DAB1: variants seen among roughly 807,000 people sequenced by gnomAD.
The protein encoded by DAB1 is DAB adaptor protein 1.
DAB1 carries 15 observed loss-of-function variants against 64.6 expected under a neutral mutation model. The ratio of observed to expected loss-of-function variants is 0.23; its 90% CI spans 0.16 to 0.36. The LOEUF (loss-of-function observed/expected upper bound fraction) is 0.36. DAB1 is among the 10% of genes least tolerant of loss of function. The pLI is 1.00. For synonymous variants in DAB1, 235 were observed against 251.9 expected, an observed-to-expected ratio of 0.93 and a Z score of 0.64; for missense variants, 596 against 706.7, an observed-to-expected ratio of 0.84 and a Z score of 1.78.
intron 1 of DAB1, 103 bp downstream of exon 1, chr1:57,423,827 C>T (rs902386068): frequency 1.3e-5 from 2 of 152,206 alleles, no homozygotes; most frequent in East Asian, 1.9e-4. Context: ...TCCTCCGCGC[C>T]CCGGGGCTCC....
upstream of DAB1, among the ~76,000 whole-genome samples, chr1:57,888,359 T>C (rs1185957783): frequency 6.6e-6 from 1 of 152,172 alleles, no homozygotes; most frequent in Non-Finnish European, 1.5e-5. Flanking sequence ...ATCAGATGGA[T>C]ATACAGAATC....
chr1:58,023,233 C>A (rs999517911), intron 5 of DAB1, among the ~76,000 whole-genome samples: 10 of 152,078 alleles, frequency 6.6e-5, no homozygotes. Context: ...AATAACAGCT[C>A]TAGTAAGGCC....
chr1:57,278,864 C>T (rs1671675871), intron 2 of DAB1, among the ~76,000 whole-genome samples: 1 of 152,194 alleles, frequency 6.6e-6, no homozygotes, highest in Non-Finnish European at 1.5e-5. Flanking sequence ...TCTCACCTTC[C>T]TCATCTGTAA....
chr1:57,915,848 T>A (rs554000799), intron 5 of DAB1, among the ~76,000 whole-genome samples: 2 of 152,178 alleles, frequency 1.3e-5, no homozygotes, highest in Non-Finnish European at 2.9e-5. Context: ...AAAGTTCATC[T>A]TGGGAAGAGC....
At chr1:58,040,805 C>T (rs1647123825) in intron 5 of DAB1, among the ~76,000 whole-genome samples, 1 of 152,138 alleles carries the variant, frequency 6.6e-6, no homozygotes, top group Admixed American at 6.5e-5. Context: ...AACATAACAG[C>T]ACAAAGTGCA....
intron 7 of DAB1, among the ~76,000 whole-genome samples, chr1:57,443,931 C>T (rs1254357706): frequency 2.0e-5 from 3 of 152,328 alleles, no homozygotes; most frequent in East Asian, 3.9e-4. Flanking sequence ...CTGATGATAA[C>T]GTGTTGAAAA....
intron 7 of DAB1, among the ~76,000 whole-genome samples, chr1:57,612,218 T>TGTGTGTGTGTGC (rs952589739): frequency 7.3e-5 from 11 of 151,724 alleles, no homozygotes; most frequent in African/African-American, 2.4e-4. Flanking sequence ...TGTGTGTGTG[T>TGTGTGTGTGTGC]GCATGTGTGT....
At chr1:58,214,510 A>G (rs924472426) in intron 4 of DAB1, among the ~76,000 whole-genome samples, 2 of 152,160 alleles carry the variant, frequency 1.3e-5, no homozygotes, top group East Asian at 3.9e-4. Flanking sequence ...AGAAAGAGGG[A>G]GTGGTCCCCT....
intron 5 of DAB1, among the ~76,000 whole-genome samples, chr1:58,053,625 A>G (rs918776590): frequency 5.3e-5 from 8 of 152,204 alleles, no homozygotes; most frequent in Admixed American, 3.3e-4. Context: ...TATCTAAACC[A>G]TAGCAGATGG....
intron 2 of DAB1, among the ~76,000 whole-genome samples, chr1:57,221,148 C>A (rs186349867): frequency 6.8e-6 from 1 of 147,016 alleles, no homozygotes; most frequent in East Asian, 2.0e-4. Flanking sequence ...ATTGCAGGGA[C>A]AAAAATTCAA....
intron 4 of DAB1, among the ~76,000 whole-genome samples, chr1:58,263,276 T>A (rs1661090177): frequency 6.6e-6 from 1 of 152,250 alleles, no homozygotes; most frequent in South Asian, 2.1e-4. Context: ...TAGTAATTGA[T>A]GATAGCCGAC....
intron 2 of DAB1, among the ~76,000 whole-genome samples, chr1:57,152,089 C>T (rs937552432): frequency 2.0e-5 from 3 of 152,188 alleles, no homozygotes; most frequent in Non-Finnish European, 4.4e-5. Context: ...GCTGGCATTA[C>T]AGGCATAAGC....
chr1:58,126,863 G>A (rs1188852315), intron 5 of DAB1, among the ~76,000 whole-genome samples: 3 of 146,508 alleles, frequency 2.0e-5, no homozygotes, highest in Non-Finnish European at 4.5e-5. Context: ...TATCACTGTT[G>A]GACATTTGGG....
chr1:57,549,388 G>A (rs1644890528), intron 7 of DAB1, among the ~76,000 whole-genome samples: 1 of 152,200 alleles, frequency 6.6e-6, no homozygotes, highest in African/African-American at 2.4e-5. Context: ...ACAGCAGCGG[G>A]TCTGTGAAGG....
chr1:58,362,612 C>T (rs953309162), intron 3 of DAB1, among the ~76,000 whole-genome samples: 32 of 152,096 alleles, frequency 2.1e-4, no homozygotes, highest in Admixed American at 6.5e-5. Flanking sequence ...TCACTTGTAG[C>T]TGAATGTGGG....
At chr1:57,023,487 T>C in intron 11 of DAB1, 44 bp downstream of exon 11, 1 of 1,129,160 alleles carries the variant, frequency 8.9e-7, no homozygotes, top group Non-Finnish European at 1.3e-6. Flanking sequence ...TCTCTCTTAA[T>C]GAGTGAAGGC....
chr1:57,725,833 C>T (rs571417439), intron 6 of DAB1, among the ~76,000 whole-genome samples: 1 of 151,914 alleles, frequency 6.6e-6, no homozygotes, highest in Non-Finnish European at 1.5e-5. Context: ...CTTACTGCAA[C>T]CTCTGTCTCC....
At chr1:57,022,428 A>G (rs1004836989) in intron 11 of DAB1, among the ~76,000 whole-genome samples, 2 of 152,264 alleles carry the variant, frequency 1.3e-5, no homozygotes, top group Non-Finnish European at 2.9e-5. Context: ...GGGAAACTTC[A>G]CAATTGAATA....
chr1:58,325,495 A>G (rs12042213), intron 4 of DAB1, among the ~76,000 whole-genome samples: 10,433 of 152,212 alleles, frequency 0.069, 855 homozygotes, highest in East Asian at 0.24. Context: ...ATGCAAATTG[A>G]TATAGTACAG....
Sources: allele counts gnomAD v4.1 joint callset (sites outside exome capture counted in the v4.1 genomes callset), GRCh38; gene constraint gnomAD v4.1.1; transcripts MANE v1.5; gene names NCBI Gene and HGNC (gene_info 2026-07-23, HGNC 2026-07-21).